The following INPP5A variants were observed in gnomAD, a reference collection of about 807,000 sequenced individuals.
INPP5A encodes 43 kDa inositol polyphosphate 5-phophatase.
In INPP5A, 14 loss-of-function variants were observed where a neutral mutation model predicts 65.2. The ratio of observed to expected loss-of-function variants is 0.21; its 90% CI spans 0.14 to 0.34. INPP5A has a LOEUF of 0.34. INPP5A is among the 10% of genes least tolerant of loss of function. INPP5A has a pLI of 1.00. For missense variants in INPP5A, 431 were observed against 545.6 expected (o/e 0.79, Z 2.09); for synonymous variants, 207 against 208.3 (o/e 0.99, Z 0.05).
In INPP5A at chr10:132,587,781, C is replaced by G. The variant is rs188357958; in HGVS notation, c.76-20134C>G. ...AGCACTTTGGGAGGCCGAGGCGAGGCGGGCAGATTATCTGAGGCCAGGAAT... is the reference window on the plus strand; with the variant it reads ...AGCACTTTGGGAGGCCGAGGCGAGGGGGGCAGATTATCTGAGGCCAGGAAT... On this transcript the variant is annotated intron_variant, in intron 1 of 15. Transcript: ENST00000368594. The surrounding 1 kb of genome is among the most constrained non-coding windows in gnomAD (Gnocchi z 4.3). Among the ~76,000 whole-genome samples the G allele has an allele frequency of 2.0e-5, 3 of 151,680 alleles. No homozygotes were observed. The highest frequency in any genetic ancestry group is 4.4e-5 in the Non-Finnish European group (3 of 67,930).
At chr10:132,628,265 C>A (rs2072214471) in intron 2 of INPP5A, among the ~76,000 whole-genome samples, 1 of 152,186 alleles carries the variant, frequency 6.6e-6, no homozygotes, top group African/African-American at 2.4e-5. Context: ...TGGGAGGCTC[C>A]CCTTTCTGGG....
At chr10:132,596,936 CATGTGTGCGT>C (rs1228371399) in intron 1 of INPP5A, among the ~76,000 whole-genome samples, 34 of 22,388 alleles carry the variant, frequency 1.5e-3, no homozygotes, top group African/African-American at 4.9e-3. Flanking sequence ...CATGTGCACG[CATGTGTGCGT>C]GTGTGCACAC....
chr10:132,565,443 T>C (rs118171625), intron 1 of INPP5A, among the ~76,000 whole-genome samples: 1 of 152,350 alleles, frequency 6.6e-6, no homozygotes, highest in East Asian at 1.9e-4. Flanking sequence ...CCTTCCCAGA[T>C]AGCTTTGGAT....
In INPP5A at chr10:132,705,327, C is replaced by T. The variant is rs1000297860; in HGVS notation, c.475-2986C>T. On this transcript the variant is annotated intron_variant, in intron 6 of 15. Transcript: ENST00000368594. The surrounding 1 kb of genome is among the most constrained non-coding windows in gnomAD (Gnocchi z 4.9). Reference sequence around the variant, plus strand: ...CAGGGAGCCTGCCACCCCGCCACCCCGCCATAGAGCTCCCTGGGTCGTCTG... The same window carrying T: ...CAGGGAGCCTGCCACCCCGCCACCCTGCCATAGAGCTCCCTGGGTCGTCTG... Among the ~76,000 whole-genome samples the T allele has an allele frequency of 2.0e-5, 3 of 152,244 alleles. No homozygotes were observed. The highest frequency in any genetic ancestry group is 4.8e-5 in the African/African-American group (2 of 41,466).
At chr10:132,668,392 A>G (rs1295524839) in intron 4 of INPP5A, among the ~76,000 whole-genome samples, 2 of 152,234 alleles carry the variant, frequency 1.3e-5, no homozygotes, top group Non-Finnish European at 2.9e-5. Flanking sequence ...ATGGAAATGA[A>G]GCAGAACATG....
chr10:132,734,737 G>A (rs528763636), intron 9 of INPP5A, among the ~76,000 whole-genome samples: 2 of 152,246 alleles, frequency 1.3e-5, no homozygotes, highest in African/African-American at 2.4e-5. Flanking sequence ...CCTCTCTTCA[G>A]TTCTCCCCCT....
At chr10:132,714,716 G>A (rs967171865) in intron 8 of INPP5A, among the ~76,000 whole-genome samples, 1 of 152,224 alleles carries the variant, frequency 6.6e-6, no homozygotes, top group Admixed American at 6.5e-5. Context: ...AGAGTAGGAA[G>A]ATGATTGTAA....
rs1248031182 is a variant in INPP5A, at chr10:132,678,337, T to G, written c.307-12055T>G. Among the ~76,000 whole-genome samples, 2 of 152,236 alleles carry G rather than the reference T, an allele frequency of 1.3e-5. No homozygotes were observed. The highest frequency in any genetic ancestry group is 2.9e-5 in the Non-Finnish European group (2 of 68,036). On this transcript the variant is annotated intron_variant, in intron 4 of 15. Coordinates refer to ENST00000368594, the MANE Select transcript of INPP5A (RefSeq NM_005539.5). The surrounding 1 kb of genome is among the most constrained non-coding windows in gnomAD (Gnocchi z 4.1). ...ACATTGATTTAAACAAAAGCTTTGTTTCATTTATTATTGTTTATAATCTAA... is the reference window on the plus strand; with the variant it reads ...ACATTGATTTAAACAAAAGCTTTGTGTCATTTATTATTGTTTATAATCTAA...
intron 12 of INPP5A, among the ~76,000 whole-genome samples, chr10:132,775,219 A>AGGGGCAGGGGGAGGGGCAGGGAGGAGAG (rs1847042628): frequency 1.3e-4 from 1 of 7,498 alleles, no homozygotes; most frequent in Admixed American, 1.8e-3. Context: ...GGGCAGGGGG[A>AGGGGCAGGGGGAGGGGCAGGGAGGAGAG]GGGGCAGGGG....
At chr10:132,662,772 C>T (rs1259484173) in intron 4 of INPP5A, among the ~76,000 whole-genome samples, 1 of 152,184 alleles carries the variant, frequency 6.6e-6, no homozygotes, top group East Asian at 1.9e-4. Context: ...CTGCTCCCAC[C>T]CTTTCATGCT....
chr10:132,567,817 T>A (rs2071290603), intron 1 of INPP5A, among the ~76,000 whole-genome samples: 1 of 152,206 alleles, frequency 6.6e-6, no homozygotes, highest in Non-Finnish European at 1.5e-5. Flanking sequence ...TAATGTGAAT[T>A]ATACTGAATT....
At chr10:132,761,299 G>T (rs1468833302) in intron 11 of INPP5A, among the ~76,000 whole-genome samples, 1 of 152,212 alleles carries the variant, frequency 6.6e-6, no homozygotes, top group Non-Finnish European at 1.5e-5. Flanking sequence ...ATTGTCTGGA[G>T]ACCACACGCT....
At chr10:132,765,544 G>A (rs1846826622) in intron 11 of INPP5A, among the ~76,000 whole-genome samples, 1 of 152,186 alleles carries the variant, frequency 6.6e-6, no homozygotes, top group Non-Finnish European at 1.5e-5. Flanking sequence ...AGCTTTATGG[G>A]TGGGCAGAGC....
intron 8 of INPP5A, among the ~76,000 whole-genome samples, chr10:132,714,012 G>C (rs1340419099): frequency 1.3e-5 from 2 of 152,154 alleles, no homozygotes; most frequent in Non-Finnish European, 2.9e-5. Context: ...TCAGCCCTCG[G>C]CTTGCAGGCA....
intron 1 of INPP5A, among the ~76,000 whole-genome samples, chr10:132,548,692 C>T (rs2071010807): frequency 6.6e-6 from 1 of 152,044 alleles, no homozygotes; most frequent in South Asian, 2.1e-4. Context: ...TCGTGAACCA[C>T]AGGCTGTGTT....
At position 132,610,722 on chromosome 10, in the gene INPP5A, G is replaced by A. The variant is rs73399390; in HGVS notation, c.117+2766G>A. ...TGCTCAGGCACCCACAGGCTGGGCC[G>A]TGGCAGCTTCTCTGCTCTGCTCCTC... On this transcript the variant is annotated intron_variant, in intron 2 of 15. Transcript: ENST00000368594. Among the ~76,000 whole-genome samples the A allele has an allele frequency of 2.9e-3, 445 of 152,378 alleles. 2 individuals are homozygous for A. Among genetic ancestry groups the A allele is most frequent in the African/African-American group, 0.01 (424 of 41,598 alleles).
At chr10:132,648,027 C>G (rs1345859160) in intron 3 of INPP5A, among the ~76,000 whole-genome samples, 2 of 152,198 alleles carry the variant, frequency 1.3e-5, no homozygotes, top group African/African-American at 2.4e-5. Context: ...TGAAGTCACT[C>G]AAAATGAAGT....
In INPP5A at chr10:132,651,909, C is replaced by T. The variant is rs72868918; in HGVS notation, c.306+1404C>T. Among the ~76,000 whole-genome samples, 5 of 152,316 alleles carry T rather than the reference C, an allele frequency of 3.3e-5. No individual in the cohort carries two copies. Among genetic ancestry groups the T allele is most frequent in the Non-Finnish European group, 4.4e-5 (3 of 68,014 alleles). On this transcript the variant is annotated intron_variant, in intron 4 of 15. Coordinates refer to ENST00000368594, the MANE Select transcript of INPP5A (RefSeq NM_005539.5). The surrounding 1 kb of genome is among the most constrained non-coding windows in gnomAD (Gnocchi z 5.0). ...TGTCAAGCAGCTGCCCACACACAAGCGGCCTCTCCTCACGCTCTGTGGGGC... is the reference window on the plus strand; with the variant it reads ...TGTCAAGCAGCTGCCCACACACAAGTGGCCTCTCCTCACGCTCTGTGGGGC...
intron 1 of INPP5A, among the ~76,000 whole-genome samples, chr10:132,565,101 A>T (rs2071256532): frequency 6.6e-6 from 1 of 152,224 alleles, no homozygotes; most frequent in African/African-American, 2.4e-5. Context: ...TTTAATTCTT[A>T]AAAAAATTTT....
Sources: gnomAD v4.1 joint callset for allele counts (sites outside exome capture counted in the v4.1 genomes callset) on GRCh38, gnomAD v4.1.1 for gene constraint, Gnocchi (gnomAD v3.1) non-coding constraint, MANE v1.5 for transcripts, NCBI Gene and HGNC (gene_info 2026-07-23, HGNC 2026-07-21) for gene names.